Variants in ZSWIM8 observed in about 807,000 individuals in gnomAD.
The protein encoded by ZSWIM8 is zinc finger SWIM domain-containing protein 8.
A neutral mutation model predicts 173.7 loss-of-function variants in ZSWIM8; 27 were observed. The observed-to-expected ratio is 0.16, with a 90% CI of 0.11 to 0.21. The LOEUF (loss-of-function observed/expected upper bound fraction) is 0.21. Among genes scored for constraint, ZSWIM8 ranks in the 10% least tolerant of loss-of-function variants. The probability of loss-of-function intolerance (pLI) is 1.00; values close to 1 mark genes in which losing one functional copy is unlikely to be tolerated. For synonymous variants in ZSWIM8, 958 were observed against 962.0 expected (o/e 1.00, Z 0.08); for missense variants, 1,627 against 2,428.8 (o/e 0.67, Z 6.94).
In ZSWIM8 at chr10:73,789,509, C is replaced by T; in HGVS notation, c.600C>T (p.Val200=). ...CGAGAKWCTH[V]VALCLFRIHN... ...CTGGGGCCAAATGGTGCACCCACGT[C>T]GTGGCACTCTGTCTCTTCCGCATCC... The change falls in exon 4 of 26, where the codon GTC becomes GTT. Residue 200 remains valine (V), a synonymous_variant. Coordinates refer to ENST00000604729, the MANE Select transcript of ZSWIM8 (RefSeq NM_001367799.1). The surrounding 1 kb of genome is among the most constrained non-coding windows in gnomAD (Gnocchi z 6.8). 1 of 1,613,204 alleles carries T rather than the reference C, an allele frequency of 6.2e-7. No homozygotes were observed. Among genetic ancestry groups the T allele is most frequent in the Non-Finnish European group, 8.5e-7 (1 of 1,179,728 alleles).
chr10:73,792,491 G>T lies in ZSWIM8; in HGVS notation c.1952G>T (p.Gly651Val). ...AGCCCTCCACCCTGTCCTCTCCACG[G>T]TGGCTCCCGAGGCCCTTCCACTTTC... The part of the protein sequence containing the change: ...PESPPPCPLH[G>V]GSRGPSTFLP... The change falls in exon 10 of 26, where the codon GGT (glycine) becomes GTT (valine). Residue 651 changes from glycine (G) to valine (V), a missense_variant. Gly to Val is a moderately radical substitution (Grantham distance 109, BLOSUM62 -3). Around this residue, in one of 18 missense-constraint regions of ZSWIM8, gnomAD observed 383 missense variants for 394.8 expected, o/e 0.97. Transcript: ENST00000604729. The surrounding 1 kb of genome is among the most constrained non-coding windows in gnomAD (Gnocchi z 4.3). The T allele has an allele frequency of 6.2e-7, 1 of 1,613,058 alleles. No individual in the cohort carries two copies. The highest frequency in any genetic ancestry group is 8.5e-7 in the Non-Finnish European group (1 of 1,179,456).
In ZSWIM8 at chr10:73,791,722, C is replaced by G. The variant is rs1471157506; in HGVS notation, c.1320-137C>G. 3.9e-6 allele frequency: 5 copies of G among 1,298,548 alleles called. No homozygotes were observed. The highest frequency in any genetic ancestry group is 3.0e-5 in the Admixed American group (1 of 33,380). The allele number at this position is 1,298,548 out of a possible 1,614,324, so 80.4% of individuals were successfully genotyped here. A position where few individuals can be genotyped will look rare whatever the true frequency, so the allele number is the denominator to read the frequency against. On this transcript the variant is annotated intron_variant, in intron 9 of 25. Coordinates refer to ENST00000604729, the MANE Select transcript of ZSWIM8 (RefSeq NM_001367799.1). The surrounding 1 kb of genome is among the most constrained non-coding windows in gnomAD (Gnocchi z 6.0). Reference sequence around the variant, plus strand: ...CACTTTTCAAAATTCTCCAGTGTTTCAGTGATGCTTATGGGGCTGGGTCAA... The same window carrying G: ...CACTTTTCAAAATTCTCCAGTGTTTGAGTGATGCTTATGGGGCTGGGTCAA...
Position 73,800,829 on chromosome 10 carries a change from C to T in ZSWIM8, c.5122+70C>T. 1 of 1,266,040 alleles carries T rather than the reference C, an allele frequency of 7.9e-7. No individual in the cohort carries two copies. The highest frequency in any genetic ancestry group is 1.1e-6 in the Non-Finnish European group (1 of 903,606). The allele number at this position is 1,266,040 out of a possible 1,614,324, so 78.4% of individuals were successfully genotyped here. A position where few individuals can be genotyped will look rare whatever the true frequency, so the allele number is the denominator to read the frequency against. On this transcript the variant is annotated intron_variant, in intron 24 of 25. Transcript: ENST00000604729. This position sits in a 1 kb window ranked among gnomAD's most constrained non-coding sequence, Gnocchi z 4.1. The stretch of plus-strand genomic sequence containing the variant: ...TCTCCCCACCTTCCTTATCCCAGAC[C>T]TCCTTCCTAGCTCTTGCTCAGAGTT...
Position 73,800,220 on chromosome 10 carries a change from C to T in ZSWIM8, c.4825+50C>T. 1.2e-6 allele frequency: 2 copies of T among 1,611,968 alleles called. No homozygotes were observed. The highest frequency in any genetic ancestry group is 1.7e-6 in the Non-Finnish European group (2 of 1,178,664). ...GTGAATGGAGGGGAGGCACACTGGGCAGGGGAGGTGGGGAGGGAATGTTCT... is the reference window on the plus strand; with the variant it reads ...GTGAATGGAGGGGAGGCACACTGGGTAGGGGAGGTGGGGAGGGAATGTTCT... On this transcript the variant is annotated intron_variant, in intron 22 of 25. Coordinates refer to ENST00000604729, the MANE Select transcript of ZSWIM8 (RefSeq NM_001367799.1). The surrounding 1 kb of genome is among the most constrained non-coding windows in gnomAD (Gnocchi z 4.1).
chr10:73,797,778 C>T lies in ZSWIM8; in HGVS notation c.3663-3C>T, dbSNP rs769196886. ...CCCCGTCCCTACCCCATTGCCCCTT[C>T]AGGTACAAGGGCCGCCGCCCCGAGA... On this transcript the variant is annotated splice_region_variant and splice_polypyrimidine_tract_variant and intron_variant, in intron 18 of 25. Transcript: ENST00000604729. This position sits in a 1 kb window ranked among gnomAD's most constrained non-coding sequence, Gnocchi z 5.6. 6.2e-7 allele frequency: 1 copy of T among 1,610,382 alleles called. No individual in the cohort carries two copies. The highest frequency in any genetic ancestry group is 1.1e-5 in the South Asian group (1 of 90,990).
chr10:73,795,962 C>CAAAAAA (rs34801762), intron 15 of ZSWIM8, among the ~76,000 whole-genome samples: 3 of 58,802 alleles, frequency 5.1e-5, no homozygotes, highest in Admixed American at 2.2e-4. Context: ...GACCCTGTTT[C>CAAAAAA]AAAAAAAAAA....
At chr10:73,795,490 T>G (rs1377381850) in intron 14 of ZSWIM8, 49 bp from the exon 15 acceptor site, 1 of 1,608,964 alleles carries the variant, frequency 6.2e-7, no homozygotes, top group East Asian at 2.2e-5. Flanking sequence ...CTTTGCTGTC[T>G]TGGGAATTAT....
intron 1 of ZSWIM8, among the ~76,000 whole-genome samples, chr10:73,787,940 A>G (rs1442581684): frequency 1.3e-5 from 2 of 152,244 alleles, no homozygotes; most frequent in African/African-American, 4.8e-5. Context: ...TTTCTGATCT[A>G]TTAATGTGAC....
In ZSWIM8 at chr10:73,792,565, T is replaced by G; in HGVS notation, c.2026T>G (p.Ser676Ala). 6.2e-7 allele frequency: 1 copy of G among 1,614,000 alleles called. No individual in the cohort carries two copies. Among genetic ancestry groups the G allele is most frequent in the Non-Finnish European group, 8.5e-7 (1 of 1,179,876 alleles). The change falls in exon 10 of 26, where the codon TCG becomes GCG. Residue 676 changes from serine (S) to alanine (A), a missense_variant. Around this residue, in one of 18 missense-constraint regions of ZSWIM8, gnomAD observed 383 missense variants for 394.8 expected, o/e 0.97. Coordinates refer to ENST00000604729, the MANE Select transcript of ZSWIM8 (RefSeq NM_001367799.1). This position sits in a 1 kb window ranked among gnomAD's most constrained non-coding sequence, Gnocchi z 4.3. ...TGAAGAAGATGGTGGTGTGTACTTC[T>G]CGGAAGGGCCTGAGCCTCCCACAGC... ...TYEEDGGVYF[S>A]EGPEPPTASV...
In ZSWIM8 at chr10:73,792,717, T is replaced by C. The variant is rs374792271; in HGVS notation, c.2178T>C (p.Asp726=). The C allele has an allele frequency of 6.2e-7, 1 of 1,613,848 alleles. No individual in the cohort carries two copies. The highest frequency in any genetic ancestry group is 1.1e-5 in the South Asian group (1 of 91,074). ...KEAAPAVGEE[D]DDYQAYYLNA... is the part of the protein sequence containing the mutation. ...CAGCCCCTGCAGTTGGAGAGGAGGATGATGACTACCAGGCGTACTATCTGA... is the reference window on the plus strand; with the variant it reads ...CAGCCCCTGCAGTTGGAGAGGAGGACGATGACTACCAGGCGTACTATCTGA... Residue 726 remains aspartate (D), a synonymous_variant, in exon 10 of 26, where the codon GAT becomes GAC. Coordinates refer to ENST00000604729, the MANE Select transcript of ZSWIM8 (RefSeq NM_001367799.1). This position sits in a 1 kb window ranked among gnomAD's most constrained non-coding sequence, Gnocchi z 4.3.
chr10:73,798,819 G>T (rs539032702), intron 20 of ZSWIM8, among the ~76,000 whole-genome samples, 183 bp from the exon 21 acceptor site: 1 of 152,242 alleles, frequency 6.6e-6, no homozygotes, highest in Non-Finnish European at 1.5e-5. Flanking sequence ...GACTCATTTT[G>T]GTCAGTATTT....
intron 15 of ZSWIM8, among the ~76,000 whole-genome samples, chr10:73,796,059 CAAT>C (rs1180394271): frequency 6.8e-6 from 1 of 146,886 alleles, no homozygotes; most frequent in African/African-American, 2.5e-5. Context: ...GTTTCCAGTA[CAAT>C]GAGAAAAGTG....
Position 73,791,991 on chromosome 10 carries a change from C to T in ZSWIM8, c.1452C>T (p.Phe484=). ...GFRPAVEACY[F]NWEEAYPLPG... ...GGCCAGCGGTGGAGGCCTGCTACTT[C>T]AACTGGGAAGAGGCCTACCCACTTC... Residue 484 remains phenylalanine (F), a synonymous_variant, in exon 10 of 26, where the codon TTC becomes TTT. Coordinates refer to ENST00000604729, the MANE Select transcript of ZSWIM8 (RefSeq NM_001367799.1). The surrounding 1 kb of genome is among the most constrained non-coding windows in gnomAD (Gnocchi z 6.0). 6.4e-7 allele frequency: 1 copy of T among 1,551,168 alleles called. No individual in the cohort carries two copies. Among genetic ancestry groups the T allele is most frequent in the Non-Finnish European group, 8.7e-7 (1 of 1,146,850 alleles).
In ZSWIM8 at chr10:73,800,040, G is replaced by A. The variant is rs780604659; in HGVS notation, c.4695G>A (p.Gln1565=). Residue 1565 remains glutamine (Q), a synonymous_variant, in exon 22 of 26, where the codon CAG becomes CAA. Coordinates refer to ENST00000604729, the MANE Select transcript of ZSWIM8 (RefSeq NM_001367799.1). This position sits in a 1 kb window ranked among gnomAD's most constrained non-coding sequence, Gnocchi z 4.1. ...TGCATCCTGCATTCCTAGGGGCTCA[G>A]TACCCTTATTCAGTGACTCCTCCCT... ...QGVHPAFLGA[Q]YPYSVTPPSL... is the part of the protein sequence containing the mutation. The A allele has an allele frequency of 1.2e-6, 2 of 1,613,774 alleles. No homozygotes were observed. Among genetic ancestry groups the A allele is most frequent in the Non-Finnish European group, 1.7e-6 (2 of 1,179,802 alleles).
rs1405818562 is a variant in ZSWIM8, at chr10:73,792,564, C to T, written c.2025C>T (p.Phe675=). 3 of 1,614,044 alleles carry T rather than the reference C, an allele frequency of 1.9e-6. No individual in the cohort carries two copies. Among genetic ancestry groups the T allele is most frequent in the Non-Finnish European group, 2.5e-6 (3 of 1,179,888 alleles). The part of the protein sequence containing the change: ...DTYEEDGGVY[F]SEGPEPPTAS... Reference sequence around the variant, plus strand: ...ATGAAGAAGATGGTGGTGTGTACTTCTCGGAAGGGCCTGAGCCTCCCACAG... The same window carrying T: ...ATGAAGAAGATGGTGGTGTGTACTTTTCGGAAGGGCCTGAGCCTCCCACAG... Residue 675 remains phenylalanine, a synonymous_variant, in exon 10 of 26, where the codon TTC becomes TTT. Coordinates refer to ENST00000604729, the MANE Select transcript of ZSWIM8 (RefSeq NM_001367799.1). The surrounding 1 kb of genome is among the most constrained non-coding windows in gnomAD (Gnocchi z 4.3).
At chr10:73,795,112 A>G (rs1253769936) in intron 14 of ZSWIM8, among the ~76,000 whole-genome samples, 1 of 150,252 alleles carries the variant, frequency 6.7e-6, no homozygotes, top group African/African-American at 2.4e-5. Context: ...TCAAACAAAG[A>G]AAAAAAAAAT....
At chr10:73,798,198 C>A (rs761153565) in intron 19 of ZSWIM8, 32 bp from the exon 20 acceptor site, 100 of 1,610,510 alleles carry the variant, frequency 6.2e-5, no homozygotes, top group Non-Finnish European at 8.3e-5. Context: ...CCCACACTAA[C>A]CCAACTCTGC....
In ZSWIM8 at chr10:73,798,303, T is replaced by C. The variant is rs1420706400; in HGVS notation, c.4026T>C (p.Pro1342=). Residue 1342 remains proline (P), a synonymous_variant, in exon 20 of 26, where the codon CCT becomes CCC. Transcript: ENST00000604729. The part of the protein sequence containing the change: ...VECWDGHLTP[P]EVASLADRAS... ...GCTGGGATGGGCACCTGACACCCCC[T>C]GAGGTTGCATCCCTGGCTGACAGGG... 2 of 1,613,890 alleles carry C rather than the reference T, an allele frequency of 1.2e-6. No individual in the cohort carries two copies. Among genetic ancestry groups the C allele is most frequent in the Non-Finnish European group, 1.7e-6 (2 of 1,179,900 alleles).
chr10:73,788,963 T>TGCCGGG, intron 2 of ZSWIM8, 133 bp from the exon 3 acceptor site: 3 of 962,798 alleles, frequency 3.1e-6, no homozygotes, highest in African/African-American at 1.8e-5. Context: ...GGGATTCCAC[T>TGCCGGG]CCCTCCCCCC....
Sources: gnomAD v4.1 joint callset for allele counts (sites outside exome capture counted in the v4.1 genomes callset) on GRCh38, gnomAD v4.1.1 for gene constraint, gnomAD v4.1.1 regional missense constraint, Gnocchi (gnomAD v3.1) non-coding constraint, MANE v1.5 for transcripts, NCBI Gene and HGNC (gene_info 2026-07-23, HGNC 2026-07-21) for gene names.